The following LAMA3 variants were observed in gnomAD, a reference collection of about 807,000 sequenced individuals.
LAMA3 encodes laminin subunit alpha-3.
In LAMA3, 281 loss-of-function variants were observed where a neutral mutation model predicts 402.0. The ratio of observed to expected loss-of-function variants is 0.70; its 90% CI spans 0.63 to 0.77. LAMA3 has a LOEUF of 0.77. LAMA3 is among the 30% of genes least tolerant of loss of function. The pLI, the probability that LAMA3 is intolerant of heterozygous loss-of-function variation, is 0.00. For synonymous variants in LAMA3, 1,431 were observed against 1,558.4 expected, an observed-to-expected ratio of 0.92 and a Z score of 1.93; for missense variants, 3,840 against 4,215.5, an observed-to-expected ratio of 0.91 and a Z score of 2.47.
chr18:23,904,053 C>T lies in LAMA3; in HGVS notation c.6439C>T (p.Arg2147Trp), dbSNP rs139893499. The T allele has an allele frequency of 1.1e-4, 170 of 1,613,858 alleles. 1 individual carries two copies. Among genetic ancestry groups the T allele is most frequent in the South Asian group, 4.3e-4 (39 of 91,068 alleles). The change falls in exon 50 of 75, where the codon CGG becomes TGG. Residue 2147 changes from arginine (R) to tryptophan (W), a missense_variant. By Grantham distance (101) the Arg-to-Trp change is moderately radical (BLOSUM62 -3). Coordinates refer to ENST00000313654, the MANE Select transcript of LAMA3 (RefSeq NM_198129.4). ...SLVEEAEKHARSLQELAKQLE... is the reference protein window; with the variant it reads ...SLVEEAEKHAWSLQELAKQLE... ...TGTGGAGGAGGCAGAAAAGCACGCG[C>T]GGTCCTTACAAGAGCTGGCAAAGCA... is the stretch of plus-strand genomic sequence containing the variant.
At chr18:23,889,710 GAGGA>G in intron 41 of LAMA3, among the ~76,000 whole-genome samples, 1 of 86,044 alleles carries the variant, frequency 1.2e-5, no homozygotes, top group South Asian at 4.1e-4. Flanking sequence ...GGGAGGAAGG[GAGGA>G]AGGAAGGAAG....
chr18:23,947,021 G>T (rs577345843), intron 70 of LAMA3, among the ~76,000 whole-genome samples: 2 of 152,320 alleles, frequency 1.3e-5, no homozygotes, highest in South Asian at 4.1e-4. Context: ...GTTATTTGAT[G>T]TCTGAAATAA....
intron 2 of LAMA3, among the ~76,000 whole-genome samples, chr18:23,744,973 A>G (rs951748878): frequency 4.0e-4 from 61 of 152,248 alleles, no homozygotes; most frequent in African/African-American, 1.4e-3. Flanking sequence ...AAATAATACA[A>G]TGGGGATTAT....
chr18:23,916,865 CT>C (rs869070247), intron 60 of LAMA3, among the ~76,000 whole-genome samples, 170 bp downstream of exon 60: 1,923 of 138,868 alleles, frequency 0.014, 33 homozygotes, highest in East Asian at 0.055. Context: ...GGGAAATGTA[CT>C]TTTTTTTTTT....
intron 41 of LAMA3, among the ~76,000 whole-genome samples, chr18:23,886,997 G>A (rs1481987445): frequency 6.6e-6 from 1 of 152,240 alleles, no homozygotes; most frequent in Non-Finnish European, 1.5e-5. Flanking sequence ...TATGGCAAAA[G>A]ATGGTAATGG....
At chr18:23,847,709 G>A in intron 32 of LAMA3, 41 bp downstream of exon 32, 2 of 1,580,016 alleles carry the variant, frequency 1.3e-6, no homozygotes, top group Non-Finnish European at 1.7e-6. Flanking sequence ...GTCACAGGGA[G>A]GTCGCGTGCC....
In LAMA3 at chr18:23,928,268, G is replaced by C. The variant is rs200031381; in HGVS notation, c.8295+28G>C. Reference sequence around the variant, plus strand: ...AAGTGAAAGTTCAGAACCTCGTGAAGGAGTGCTTCCCAGCCAACCCACCTT... The same window carrying C: ...AAGTGAAAGTTCAGAACCTCGTGAACGAGTGCTTCCCAGCCAACCCACCTT... On this transcript the variant is annotated intron_variant, in intron 63 of 74. Transcript: ENST00000313654. 31 of 1,427,890 alleles carry C rather than the reference G, an allele frequency of 2.2e-5. No individual in the cohort carries two copies. In the East Asian group the frequency reaches 6.8e-4, roughly 31 times the overall value. 88.5% of individuals were successfully genotyped at this position (1,427,890 alleles called of 1,614,324 possible). A position where few individuals can be genotyped will look rare whatever the true frequency, so the allele number is the denominator to read the frequency against.
chr18:23,928,597 A>G (rs771735667), intron 63 of LAMA3, 28 bp from the exon 64 acceptor site: 1 of 1,610,920 alleles, frequency 6.2e-7, no homozygotes, highest in Non-Finnish European at 8.5e-7. Context: ...TTACAATGCC[A>G]GTAATTTATT....
chr18:23,924,543 CTTTTT>C (rs66546657), intron 62 of LAMA3, among the ~76,000 whole-genome samples: 1 of 89,102 alleles, frequency 1.1e-5, no homozygotes, highest in Non-Finnish European at 2.6e-5. Flanking sequence ...CTTTTTTTTT[CTTTTT>C]TTTTTTTTTT....
chr18:23,850,464 G>T (rs1420234551), intron 32 of LAMA3, among the ~76,000 whole-genome samples: 1 of 152,180 alleles, frequency 6.6e-6, no homozygotes, highest in East Asian at 1.9e-4. Context: ...AAGTCATTTT[G>T]TCTGCCTGGC....
At chr18:23,765,238 C>A (rs1207823789) in intron 8 of LAMA3, among the ~76,000 whole-genome samples, 2 of 152,154 alleles carry the variant, frequency 1.3e-5, no homozygotes, top group Non-Finnish European at 2.9e-5. Context: ...GAGCTTAGGA[C>A]AACTCCAACT....
Position 23,713,904 on chromosome 18 carries a change from A to G in LAMA3, c.295-16A>G, listed in dbSNP as rs573946106. On this transcript the variant is annotated splice_polypyrimidine_tract_variant and intron_variant, in intron 1 of 74. Transcript: ENST00000313654. The stretch of plus-strand genomic sequence containing the variant: ...AAAAAACAAAAAACAAAAAAAACCC[A>G]CTTTTTTTTTTTCAGGGCCAGTTCT... 2 of 1,595,104 alleles carry G rather than the reference A, an allele frequency of 1.3e-6. No homozygotes were observed. The highest frequency in any genetic ancestry group is 1.4e-5 in the African/African-American group (1 of 72,108).
At chr18:23,889,955 T>G in intron 41 of LAMA3, 56 bp from the exon 42 acceptor site, 10 of 1,316,888 alleles carry the variant, frequency 7.6e-6, no homozygotes, top group African/African-American at 1.5e-5. Context: ...AGAAAATTGG[T>G]TGAGATAAAC....
At chr18:23,885,581 C>T (rs2067719126) in intron 41 of LAMA3, among the ~76,000 whole-genome samples, 1 of 151,836 alleles carries the variant, frequency 6.6e-6, no homozygotes, top group Admixed American at 6.6e-5. Context: ...TCATGATTAG[C>T]CACTATGCAT....
rs780065566 is a variant in LAMA3 at position 23,816,423 on chromosome 18, A to C, written c.2083A>C (p.Met695Leu). The C allele has an allele frequency of 1.9e-6, 3 of 1,614,068 alleles. No homozygotes were observed. The South Asian group carries it at 3.3e-5, about 18-fold the overall frequency. ...TGACATTGGTGGGGCATTGTCCTCC[A>C]TGTGCAGTGGGCCCTCGGGAGTGTG... ...QCDIGGALSS[M>L]CSGPSGVCQC... Residue 695 changes from methionine to leucine, a missense_variant, in exon 18 of 75, where the codon ATG becomes CTG. Physicochemically the swap from Met to Leu is conservative, Grantham distance 15. Coordinates refer to ENST00000313654, the MANE Select transcript of LAMA3 (RefSeq NM_198129.4).
intron 51 of LAMA3, among the ~76,000 whole-genome samples, chr18:23,905,280 C>T (rs2081204154): frequency 6.6e-6 from 1 of 152,172 alleles, no homozygotes; most frequent in South Asian, 2.1e-4. Context: ...GCAGCTAAAA[C>T]AAGTGTCACA....
chr18:23,822,146 C>T (rs1441492798), intron 19 of LAMA3, 106 bp from the exon 20 acceptor site: 1 of 1,227,088 alleles, frequency 8.1e-7, no homozygotes, highest in East Asian at 2.3e-5. Flanking sequence ...TATGTGTGTA[C>T]ATTACAAGTC....
chr18:23,938,996 A>G (rs1054784594), intron 67 of LAMA3, among the ~76,000 whole-genome samples: 1 of 152,122 alleles, frequency 6.6e-6, no homozygotes, highest in African/African-American at 2.4e-5. Flanking sequence ...GGGAAAGGTT[A>G]AAGAGCTAAA....
chr18:23,872,849 G>A, intron 38 of LAMA3: 1 of 615,792 alleles, frequency 1.6e-6, no homozygotes, highest in Non-Finnish European at 2.9e-6. Flanking sequence ...GAATTACAGA[G>A]CGGTGCGCTT....
Sources: gnomAD v4.1 joint callset for allele counts (sites outside exome capture counted in the v4.1 genomes callset) on GRCh38, gnomAD v4.1.1 for gene constraint, MANE v1.5 for transcripts, NCBI Gene and HGNC (gene_info 2026-07-23, HGNC 2026-07-21) for gene names.